CDK5RAP2: variants seen among roughly 807,000 people sequenced by gnomAD.
CDK5RAP2 encodes the protein CDK5 regulatory subunit associated protein 2.
Under a neutral mutation model 232.9 loss-of-function variants are expected in CDK5RAP2, and 147 were observed. That is an observed-to-expected ratio of 0.63 (90% CI 0.55 to 0.72). CDK5RAP2 has a LOEUF of 0.72. Among genes scored for constraint, CDK5RAP2 ranks in the 30% least tolerant of loss-of-function variants. CDK5RAP2 has a pLI of 0.00. For missense variants in CDK5RAP2, 2,195 were observed against 2,231.5 expected (o/e 0.98, Z 0.33); for synonymous variants, 833 against 833.7 (o/e 1.00, Z 0.01).
At chr9:120,409,371 T>A (rs2033703020) in intron 29 of CDK5RAP2, 55 bp from the exon 30 acceptor site, 8 of 1,278,282 alleles carry the variant, frequency 6.3e-6, no homozygotes, top group Non-Finnish European at 8.8e-6. Context: ...TTTTCCAACC[T>A]TATTATATAA....
At chr9:120,472,735 G>A (rs2037786397) in intron 15 of CDK5RAP2, among the ~76,000 whole-genome samples, 1 of 152,160 alleles carries the variant, frequency 6.6e-6, no homozygotes, top group East Asian at 1.9e-4. Flanking sequence ...ACCCAGAGGA[G>A]ACCAAGAAAA....
intron 3 of CDK5RAP2, among the ~76,000 whole-genome samples, chr9:120,560,209 C>G (rs1384723372): frequency 6.6e-6 from 1 of 152,232 alleles, no homozygotes; most frequent in Non-Finnish European, 1.5e-5. Context: ...TATTTAACAT[C>G]TTTGTCCAGT....
Position 120,403,206 on chromosome 9 carries a change from G to A in CDK5RAP2, c.5042-135C>T. The A allele has an allele frequency of 1.2e-6, 1 of 809,200 alleles. No homozygotes were observed. 50.1% of individuals were successfully genotyped at this position (809,200 alleles called of 1,614,324 possible). On this transcript the variant is annotated intron_variant, in intron 33 of 37. Coordinates refer to ENST00000349780, the MANE Select transcript of CDK5RAP2 (RefSeq NM_018249.6). The surrounding 1 kb of genome is among the most constrained non-coding windows in gnomAD (Gnocchi z 4.2). ...AATGCCACCCAACACAAGCCCAGAG[G>A]GGAAAAGAGGCACGCTCCTGGACCT...
At chr9:120,531,696 C>A (rs1280637622) in intron 7 of CDK5RAP2, among the ~76,000 whole-genome samples, 1 of 152,064 alleles carries the variant, frequency 6.6e-6, no homozygotes, top group Admixed American at 6.5e-5. Context: ...ACCAAGAAAG[C>A]AACTTAGTTT....
chr9:120,488,408 A>G (rs2038723546), intron 13 of CDK5RAP2, among the ~76,000 whole-genome samples: 1 of 152,228 alleles, frequency 6.6e-6, no homozygotes, highest in South Asian at 2.1e-4. Flanking sequence ...CTAAAGTCCA[A>G]TTATAGATAT....
At chr9:120,535,822 G>A (rs960892811) in intron 7 of CDK5RAP2, among the ~76,000 whole-genome samples, 1 of 152,158 alleles carries the variant, frequency 6.6e-6, no homozygotes, top group Non-Finnish European at 1.5e-5. Context: ...GGTCTACACT[G>A]TTTTATTTTT....
In CDK5RAP2 at chr9:120,518,428, C is replaced by A. The variant is rs755500477; in HGVS notation, c.1310G>T (p.Arg437Leu). The stretch of plus-strand genomic sequence containing the variant: ...TCAGAAGGGCAGGGCGGTACTCACA[C>A]GGATGGTGCAGTCTCCTTTGCTCTT... ...REKSKGDCTI[R>L]DLRNEVEKLR... Residue 437 changes from arginine to leucine, a missense_variant and splice_region_variant, in exon 12 of 38, where the codon CGT becomes CTT. By Grantham distance (102) the Arg-to-Leu change is moderately radical. Coordinates refer to ENST00000349780, the MANE Select transcript of CDK5RAP2 (RefSeq NM_018249.6). 1.1e-5 allele frequency: 18 copies of A among 1,613,002 alleles called. No homozygotes were observed. Among genetic ancestry groups the A allele is most frequent in the East Asian group, 8.9e-5 (4 of 44,872 alleles).
At chr9:120,484,507 A>C (rs1426626301) in intron 14 of CDK5RAP2, among the ~76,000 whole-genome samples, 1 of 152,072 alleles carries the variant, frequency 6.6e-6, no homozygotes, top group African/African-American at 2.4e-5. Context: ...GGATCATTTG[A>C]GGTCAGAAGT....
Position 120,491,265 on chromosome 9 carries a change from C to A in CDK5RAP2, c.1482+42G>T. 2.1e-6 allele frequency: 3 copies of A among 1,425,380 alleles called. No individual in the cohort carries two copies. The East Asian group carries it at 6.8e-5, about 32-fold the overall frequency. The allele number at this position is 1,425,380 out of a possible 1,614,324, so 88.3% of individuals were successfully genotyped here. On this transcript the variant is annotated intron_variant, in intron 13 of 37. Coordinates refer to ENST00000349780, the MANE Select transcript of CDK5RAP2 (RefSeq NM_018249.6). ...AAGAATTATTTTTTAAAAAAATCAA[C>A]CCATGCCAAATTAAAAAATTTAAAT...
At chr9:120,558,401 G>C (rs373217364) in intron 3 of CDK5RAP2, among the ~76,000 whole-genome samples, 1 of 49,216 alleles carries the variant, frequency 2.0e-5, no homozygotes, top group Non-Finnish European at 4.1e-5. Flanking sequence ...AAAAAAAAAA[G>C]AATTTCTTTA....
At chr9:120,537,143 G>A (rs2041428963) in intron 6 of CDK5RAP2, among the ~76,000 whole-genome samples, 1 of 152,138 alleles carries the variant, frequency 6.6e-6, no homozygotes, top group Admixed American at 6.6e-5. Context: ...CACACCAACT[G>A]CCTCCAATTA....
chr9:120,550,951 G>A (rs1203408787), intron 3 of CDK5RAP2, 49 bp from the exon 4 acceptor site: 1 of 1,069,516 alleles, frequency 9.4e-7, no homozygotes, highest in South Asian at 1.2e-5. Flanking sequence ...AAGACAGAGG[G>A]TCCAACAGAT....
At chr9:120,398,629 A>C (rs1383808656) in intron 35 of CDK5RAP2, among the ~76,000 whole-genome samples, 2 of 152,240 alleles carry the variant, frequency 1.3e-5, no homozygotes, top group Non-Finnish European at 2.9e-5. Flanking sequence ...TCTACAAAAC[A>C]AGGTCTATTC....
rs146736925 is a variant in CDK5RAP2 at position 120,439,563 on chromosome 9, G to A, written c.3558C>T (p.Leu1186=). The A allele has an allele frequency of 2.2e-4, 355 of 1,614,204 alleles. 1 individual carries two copies. In the African/African-American group the frequency reaches 3.9e-3, roughly 18 times the overall value. ...QVRYVKHVKI[L]GPLAPEMIDS... The stretch of plus-strand genomic sequence containing the variant: ...CAATCATCTCTGGGGCCAGCGGACC[G>A]AGGATTTTCACGTGTTTCACGTATC... The change falls in exon 24 of 38, where the codon CTC becomes CTT. Residue 1186 remains leucine, a synonymous_variant. Coordinates refer to ENST00000349780, the MANE Select transcript of CDK5RAP2 (RefSeq NM_018249.6).
At chr9:120,456,568 G>T (rs1329209332) in intron 20 of CDK5RAP2, among the ~76,000 whole-genome samples, 1 of 152,124 alleles carries the variant, frequency 6.6e-6, no homozygotes, top group East Asian at 1.9e-4. Flanking sequence ...TACATGTATG[G>T]TACATTTTTC....
chr9:120,423,698 A>G (rs778593476), intron 25 of CDK5RAP2, among the ~76,000 whole-genome samples: 6 of 152,224 alleles, frequency 3.9e-5, no homozygotes, highest in Non-Finnish European at 8.8e-5. Context: ...TGCGTGGCTA[A>G]AGAAAAAAAC....
chr9:120,501,786 A>G (rs1186270448), intron 12 of CDK5RAP2, among the ~76,000 whole-genome samples: 1 of 152,234 alleles, frequency 6.6e-6, no homozygotes, highest in Non-Finnish European at 1.5e-5. Context: ...CACATGGAGC[A>G]GAATACCCAG....
intron 1 of CDK5RAP2, 106 bp from the exon 2 acceptor site, chr9:120,572,147 GC>G (rs1466706138): frequency 1.1e-6 from 1 of 889,798 alleles, no homozygotes; most frequent in African/African-American, 1.6e-5. Context: ...CAGGAGGGAT[GC>G]ACACAGCTGG....
intron 18 of CDK5RAP2, among the ~76,000 whole-genome samples, chr9:120,466,087 T>C (rs770031728): frequency 3.3e-5 from 5 of 152,208 alleles, no homozygotes; most frequent in Non-Finnish European, 7.3e-5. Context: ...TACTGAATTT[T>C]AAAAATAAAA....
Sources: allele counts gnomAD v4.1 joint callset (sites outside exome capture counted in the v4.1 genomes callset), GRCh38; gene constraint gnomAD v4.1.1; non-coding constraint Gnocchi (gnomAD v3.1); transcripts MANE v1.5; gene names NCBI Gene and HGNC (gene_info 2026-07-23, HGNC 2026-07-21).